The following SYDE2 variants were observed in gnomAD, a reference collection of about 807,000 sequenced individuals.
SYDE2 encodes the protein rho GTPase-activating protein SYDE2.
In SYDE2, 76 loss-of-function variants were observed where a neutral mutation model predicts 91.5. The ratio of observed to expected loss-of-function variants is 0.83; its 90% CI spans 0.69 to 1.01. The LOEUF (loss-of-function observed/expected upper bound fraction) is 1.01. Ranked by LOEUF, SYDE2 falls within the 50% of genes least tolerant of loss-of-function variation. SYDE2 has a pLI of 0.00. For synonymous variants in SYDE2, 513 were observed against 506.4 expected, an observed-to-expected ratio of 1.01 and a Z score of -0.18; for missense variants, 1,364 against 1,367.7, an observed-to-expected ratio of 1.00 and a Z score of 0.04.
At chr1:85,197,202 A>G (rs1658619143) in intron 1 of SYDE2, among the ~76,000 whole-genome samples, 1 of 152,182 alleles carries the variant, frequency 6.6e-6, no homozygotes, top group African/African-American at 2.4e-5. Flanking sequence ...CTCAATTAGG[A>G]ACAATTCGGC....
In SYDE2 at chr1:85,186,138, G is replaced by A. The variant is rs1019503566; in HGVS notation, c.1442-2938C>T. 6.6e-5 allele frequency among the ~76,000 whole-genome samples: 10 copies of A among 152,120 alleles called. 1 individual carries two copies. The highest frequency in any genetic ancestry group is 2.0e-4 in the Admixed American group (3 of 15,258). On this transcript the variant is annotated intron_variant, in intron 2 of 6. Transcript: ENST00000341460. ...TATTGAACCAGCCTTGCATCCCAGG[G>A]ATGAAGCCCACTTGATCTTGGTGGA...
chr1:85,190,723 T>C lies in SYDE2; in HGVS notation c.775A>G (p.Met259Val), dbSNP rs748125795. The C allele has an allele frequency of 4.0e-5, 65 of 1,611,010 alleles. No homozygotes were observed. Among genetic ancestry groups the C allele is most frequent in the Non-Finnish European group, 5.1e-5 (60 of 1,178,906 alleles). ...DLFENAYGSS[M>V]KGRELEELKD... The stretch of plus-strand genomic sequence containing the variant: ...AGCTCTTCAAGTTCTCTTCCCTTCA[T>C]TGAAGACCCATAGGCATTTTCAAAT... Residue 259 changes from methionine to valine, a missense_variant, in exon 2 of 7, where the codon ATG (methionine) becomes GTG (valine). By Grantham distance (21) the Met-to-Val change is conservative. Transcript: ENST00000341460.
At chr1:85,175,846 T>C (rs1161424408) in intron 4 of SYDE2, among the ~76,000 whole-genome samples, 1 of 152,230 alleles carries the variant, frequency 6.6e-6, no homozygotes, top group Admixed American at 6.5e-5. Context: ...ATCATTTCAT[T>C]GCCTTTTTAT....
intron 6 of SYDE2, 96 bp downstream of exon 6, chr1:85,164,430 A>C (rs1657190643): frequency 2.2e-6 from 2 of 926,754 alleles, no homozygotes; most frequent in Non-Finnish European, 3.0e-6. Context: ...CAAAATCTAG[A>C]AGAGTTTCTT....
intron 1 of SYDE2, among the ~76,000 whole-genome samples, chr1:85,191,560 C>T (rs1292296745): frequency 2.0e-5 from 3 of 152,018 alleles, no homozygotes; most frequent in African/African-American, 7.3e-5. Flanking sequence ...GAGTTTGAGA[C>T]CAGCCTGGCC....
rs1658794051 is a variant in SYDE2 at position 85,200,665 on chromosome 1, C to T, written c.332G>A (p.Gly111Asp). The T allele has an allele frequency of 2.0e-6, 3 of 1,538,438 alleles. No homozygotes were observed. Among genetic ancestry groups the T allele is most frequent in the Non-Finnish European group, 2.6e-6 (3 of 1,147,620 alleles). The part of the protein sequence containing the change: ...RWPSDSWIRC[G>D]AHRDWDEPPP... ...GGGCTCGTCCCAGTCCCGGTGCGCG[C>T]CGCACCTGATCCAGCTGTCGCTCGG... Residue 111 changes from glycine (G) to aspartate (D), a missense_variant, in exon 1 of 7, where the codon GGC (glycine) becomes GAC (aspartate). Physicochemically the swap from Gly to Asp is moderately conservative, Grantham distance 94. Transcript: ENST00000341460.
At chr1:85,173,092 T>C (rs1657561037) in intron 4 of SYDE2, among the ~76,000 whole-genome samples, 1 of 152,108 alleles carries the variant, frequency 6.6e-6, no homozygotes, top group South Asian at 2.1e-4. Context: ...TCTGAACTCC[T>C]AGTACCTCAG....
chr1:85,197,730 C>T (rs1055547806), intron 1 of SYDE2, among the ~76,000 whole-genome samples: 2 of 152,168 alleles, frequency 1.3e-5, no homozygotes, highest in Middle Eastern at 3.2e-3. Flanking sequence ...TCTTGGCTCA[C>T]TGCAAGCTCC....
intron 1 of SYDE2, among the ~76,000 whole-genome samples, chr1:85,197,135 G>A (rs1570281393): frequency 6.6e-6 from 1 of 152,238 alleles, no homozygotes; most frequent in South Asian, 2.1e-4. Flanking sequence ...CTTAAGGCTT[G>A]CAGAAACTTG....
Position 85,158,997 on chromosome 1 carries a change from T to A in SYDE2, c.3338A>T (p.Asp1113Val). Residue 1113 changes from aspartate (D) to valine (V), a missense_variant, in exon 7 of 7, where the codon GAT (aspartate) becomes GTT (valine). By Grantham distance (152) the Asp-to-Val change is radical. Coordinates refer to ENST00000341460, the MANE Select transcript of SYDE2 (RefSeq NM_032184.2). ...TTTTCTATCTTCTGAAGGGACATCA[T>A]CATAATCCACATCATTTAAATTTTC... ...TKENLNDVDY[D>V]DVPSEDRKIG... 1.3e-6 allele frequency: 1 copy of A among 780,848 alleles called. No individual in the cohort carries two copies. Among genetic ancestry groups the A allele is most frequent in the South Asian group, 1.3e-5 (1 of 74,612 alleles). 48.4% of individuals were successfully genotyped at this position (780,848 alleles called of 1,614,324 possible).
At chr1:85,183,601 TAAG>T (rs1377814771) in intron 2 of SYDE2, among the ~76,000 whole-genome samples, 1 of 152,068 alleles carries the variant, frequency 6.6e-6, no homozygotes, top group Non-Finnish European at 1.5e-5. Context: ...TAATGACAAA[TAAG>T]TAGTTTCTTT....
At chr1:85,194,437 T>C (rs913488802) in intron 1 of SYDE2, among the ~76,000 whole-genome samples, 1 of 147,956 alleles carries the variant, frequency 6.8e-6, no homozygotes, top group Non-Finnish European at 1.5e-5. Context: ...TATATTAAAT[T>C]ATATATTATA....
At chr1:85,155,009 C>CAAAAAAAAAAAAAAAAAAAAA, downstream of SYDE2, among the ~76,000 whole-genome samples, 3 of 80,660 alleles carry the variant, frequency 3.7e-5, no homozygotes, top group Admixed American at 1.2e-4. Flanking sequence ...AAGAATGCAG[C>CAAAAAAAAAAAAAAAAAAAAA]AAAAAAAAAA....
In SYDE2 at chr1:85,197,808, C is replaced by T. The variant is rs1285263037; in HGVS notation, c.745+2444G>A. ...TAGCTGGGACTACAGGCACCCACCA[C>T]CACGCCCGGCTAATTTTTTGTATTC... On this transcript the variant is annotated intron_variant, in intron 1 of 6. Coordinates refer to ENST00000341460, the MANE Select transcript of SYDE2 (RefSeq NM_032184.2). 2.6e-5 allele frequency among the ~76,000 whole-genome samples: 4 copies of T among 152,192 alleles called. No individual in the cohort carries two copies. The South Asian group carries it at 6.2e-4, about 24-fold the overall frequency.
In SYDE2 at chr1:85,190,277, C is replaced by T. The variant is rs1320399680; in HGVS notation, c.1221G>A (p.Leu407=). 1 of 1,613,954 alleles carries T rather than the reference C, an allele frequency of 6.2e-7. No homozygotes were observed. ...CTGCTTTCATCAGGTCACTGCCAGA[C>T]AACATGCTCAAATTGACAGCAGGGA... is the stretch of plus-strand genomic sequence containing the variant. The part of the protein sequence containing the change: ...LKLPAVNLSM[L]SGSDLMKAER... The change falls in exon 2 of 7, where the codon TTG becomes TTA. Residue 407 remains leucine, a synonymous_variant. Coordinates refer to ENST00000341460, the MANE Select transcript of SYDE2 (RefSeq NM_032184.2).
Position 85,187,274 on chromosome 1 carries a change from A to G in SYDE2, c.1441+2783T>C, listed in dbSNP as rs1206502083. Among the ~76,000 whole-genome samples, 8 of 152,164 alleles carry G rather than the reference A, an allele frequency of 5.3e-5. No individual in the cohort carries two copies. The South Asian group carries it at 1.7e-3, about 32-fold the overall frequency. The stretch of plus-strand genomic sequence containing the variant: ...AAAAACACATGAAAAAATGCTCACC[A>G]TCACTGGCCATCAGAGAAATGCAAA... On this transcript the variant is annotated intron_variant, in intron 2 of 6. Transcript: ENST00000341460.
intron 6 of SYDE2, chr1:85,160,113 A>G: frequency 1.0e-6 from 1 of 984,888 alleles, no homozygotes; most frequent in Non-Finnish European, 1.2e-6. Flanking sequence ...ATAGCTATTA[A>G]AGATTACCCA....
At position 85,182,857 on chromosome 1, in the gene SYDE2, A is replaced by G; in HGVS notation, c.1785T>C (p.Asp595=). ...KRNVISRYHL[D]TSVSSQQSYQ... is the part of the protein sequence containing the mutation. The stretch of plus-strand genomic sequence containing the variant: ...AGCTCTGCTGGGAGGATACACTGGT[A>G]TCAAGATGGTATCGGCTTATAACAT... Residue 595 remains aspartate, a synonymous_variant, in exon 3 of 7, where the codon GAT becomes GAC. Coordinates refer to ENST00000341460, the MANE Select transcript of SYDE2 (RefSeq NM_032184.2). 1 of 1,613,802 alleles carries G rather than the reference A, an allele frequency of 6.2e-7. No individual in the cohort carries two copies. The highest frequency in any genetic ancestry group is 8.5e-7 in the Non-Finnish European group (1 of 1,179,786).
At chr1:85,164,791 TA>T in intron 5 of SYDE2, 34 bp from the exon 6 acceptor site, 1 of 1,221,816 alleles carries the variant, frequency 8.2e-7, no homozygotes, top group Non-Finnish European at 1.1e-6. Context: ...AATATAGTCA[TA>T]AAGAGGCAAA....
Sources: gnomAD v4.1 joint callset for allele counts (sites outside exome capture counted in the v4.1 genomes callset) on GRCh38, gnomAD v4.1.1 for gene constraint, MANE v1.5 for transcripts, NCBI Gene and HGNC (gene_info 2026-07-23, HGNC 2026-07-21) for gene names.